Variants in ACACA observed in about 807,000 individuals in gnomAD.
ACACA encodes the protein acetyl-CoA carboxylase alpha.
ACACA carries 103 observed loss-of-function variants against 296.1 expected under a neutral mutation model. That is an observed-to-expected ratio of 0.35 (90% CI 0.30 to 0.41). The LOEUF is 0.41. Ranked by LOEUF, ACACA falls within the 10% of genes least tolerant of loss-of-function variation. ACACA has a pLI of 1.00. For synonymous variants in ACACA, 953 were observed against 1,038.6 expected (o/e 0.92, Z 1.58); for missense variants, 1,554 against 2,989.7 (o/e 0.52, Z 11.20).
intron 41 of ACACA, among the ~76,000 whole-genome samples, chr17:37,178,928 C>T (rs1258134038): frequency 6.6e-6 from 1 of 152,214 alleles, no homozygotes; most frequent in Non-Finnish European, 1.5e-5. Flanking sequence ...CCTGTTTCAT[C>T]TACACACCCA....
intron 1 of ACACA, among the ~76,000 whole-genome samples, chr17:37,404,422 G>A (rs764757164): frequency 1.3e-5 from 2 of 152,006 alleles, no homozygotes; most frequent in South Asian, 2.1e-4. Context: ...GTCTCGATAC[G>A]TTGCCTAGAC....
At chr17:37,294,424 G>T (rs545260581) in intron 3 of ACACA, among the ~76,000 whole-genome samples, 10 of 152,174 alleles carry the variant, frequency 6.6e-5, no homozygotes, top group African/African-American at 2.4e-4. Context: ...GACACAACAT[G>T]TAACAATAAG....
At chr17:37,155,132 T>C (rs2076188369) in intron 43 of ACACA, among the ~76,000 whole-genome samples, 1 of 152,168 alleles carries the variant, frequency 6.6e-6, no homozygotes, top group South Asian at 2.1e-4. Context: ...ATGAAACTTA[T>C]ATAAATGTCC....
At chr17:37,090,399 G>A (rs542837453) in intron 54 of ACACA, among the ~76,000 whole-genome samples, 1 of 152,232 alleles carries the variant, frequency 6.6e-6, no homozygotes, top group Non-Finnish European at 1.5e-5. Flanking sequence ...GAAGGCTTCC[G>A]GGGACTAAGG....
In ACACA at chr17:37,097,263, C is replaced by A. The variant is rs1172791724; in HGVS notation, c.6721-97G>T. ...CAGGCATAAAAACTGATTCTCCAGG[C>A]AAGCCCTTCACAGACCCAAGAGCTG... is the stretch of plus-strand genomic sequence containing the variant. On this transcript the variant is annotated intron_variant, in intron 53 of 55. Coordinates refer to ENST00000616317, the MANE Select transcript of ACACA (RefSeq NM_198834.3). The surrounding 1 kb of genome is among the most constrained non-coding windows in gnomAD (Gnocchi z 4.8). 4.9e-6 allele frequency: 7 copies of A among 1,427,306 alleles called. No homozygotes were observed. The East Asian group carries it at 7.3e-5, about 15-fold the overall frequency. 88.4% of individuals were successfully genotyped at this position (1,427,306 alleles called of 1,614,324 possible).
At position 37,195,705 on chromosome 17, in the gene ACACA, C is replaced by CA. The variant is rs1178794534; in HGVS notation, c.4159-2291dup. 2.0e-5 allele frequency among the ~76,000 whole-genome samples: 3 copies of CA among 152,210 alleles called. No homozygotes were observed. In the East Asian group the frequency reaches 5.8e-4, roughly 29 times the overall value. The stretch of plus-strand genomic sequence containing the variant: ...ACAAAAAGTAATCTCTTTTGGCACT[C>CA]AAAAACCACAGAATCACAGAAAACA... On this transcript the variant is annotated intron_variant, in intron 35 of 55. Transcript: ENST00000616317.
chr17:37,244,788 A>T lies in ACACA; in HGVS notation c.2596-54T>A, dbSNP rs1336592586. The stretch of plus-strand genomic sequence containing the variant: ...TCTACTACTTTTGATCTAAGGTACA[A>T]ACACACCACTGCACTTAAGAGTTAT... On this transcript the variant is annotated intron_variant, in intron 20 of 55. Transcript: ENST00000616317. The T allele has an allele frequency of 6.2e-6, 10 of 1,606,320 alleles. No individual in the cohort carries two copies. In the East Asian group the frequency reaches 2.2e-4, roughly 36 times the overall value.
intron 5 of ACACA, among the ~76,000 whole-genome samples, chr17:37,278,219 T>C (rs2082358102): frequency 6.6e-6 from 1 of 152,240 alleles, no homozygotes; most frequent in South Asian, 2.1e-4. Context: ...GAAGCTCTTA[T>C]AGTAAAATAG....
chr17:37,118,288 AG>A (rs918711037), intron 50 of ACACA, among the ~76,000 whole-genome samples: 1 of 152,218 alleles, frequency 6.6e-6, no homozygotes, highest in Non-Finnish European at 1.5e-5. Context: ...TTATTGTTTA[AG>A]GGGTATAGAG....
intron 3 of ACACA, among the ~76,000 whole-genome samples, chr17:37,296,374 C>T (rs996192366): frequency 7.2e-6 from 1 of 139,098 alleles, no homozygotes; most frequent in African/African-American, 2.7e-5. Flanking sequence ...GGTGAGATCT[C>T]GGCTCACTGC....
At chr17:37,403,138 C>T (rs751907271) in intron 1 of ACACA, among the ~76,000 whole-genome samples, 1 of 152,202 alleles carries the variant, frequency 6.6e-6, no homozygotes, top group Non-Finnish European at 1.5e-5. Flanking sequence ...AGTTTTAGTT[C>T]TGACACCTCC....
intron 33 of ACACA, among the ~76,000 whole-genome samples, chr17:37,202,659 C>A (rs1472949595): frequency 9.8e-6 from 1 of 101,590 alleles, no homozygotes; most frequent in Admixed American, 1.0e-4. Context: ...CTTTTCTTTC[C>A]TTTTCTTTCA....
In ACACA at chr17:37,277,063, G is replaced by A; in HGVS notation, c.772C>T (p.Leu258Phe). ...HASENPKLPE[L>F]LLKNGIAFMG... The stretch of plus-strand genomic sequence containing the variant: ...AAGGCAATGCCATTTTTCAAGAGAA[G>A]TTCCGGTAGTTTGGGATTCTCAGAA... The change falls in exon 7 of 56, where the codon CTT becomes TTT. Residue 258 changes from leucine to phenylalanine, a missense_variant. By Grantham distance (22) the Leu-to-Phe change is conservative. This residue lies in a region of ACACA where 29 missense variants were observed against 90.3 expected (regional missense o/e 0.32). Coordinates refer to ENST00000616317, the MANE Select transcript of ACACA (RefSeq NM_198834.3). 6.2e-7 allele frequency: 1 copy of A among 1,614,096 alleles called. No individual in the cohort carries two copies. The highest frequency in any genetic ancestry group is 8.5e-7 in the Non-Finnish European group (1 of 1,179,974).
chr17:37,346,813 T>C (rs1192264815), intron 1 of ACACA, among the ~76,000 whole-genome samples: 1 of 152,202 alleles, frequency 6.6e-6, no homozygotes, highest in African/African-American at 2.4e-5. Context: ...TGGCTACATT[T>C]ACCCAATGCC....
intron 29 of ACACA, among the ~76,000 whole-genome samples, chr17:37,212,284 G>T (rs1180971153): frequency 1.2e-4 from 18 of 152,252 alleles, no homozygotes; most frequent in African/African-American, 3.9e-4. Context: ...CAGGATGACG[G>T]CCATGTTTTC....
chr17:37,303,709 T>C (rs1166990580), intron 3 of ACACA, among the ~76,000 whole-genome samples: 1 of 152,074 alleles, frequency 6.6e-6, no homozygotes, highest in African/African-American at 2.4e-5. Context: ...AATACAAAAA[T>C]TACCTGGGCA....
intron 1 of ACACA, among the ~76,000 whole-genome samples, chr17:37,374,283 T>TC: frequency 6.6e-6 from 1 of 150,862 alleles, no homozygotes. Flanking sequence ...CTCTTTTTTT[T>TC]CTTTTCTTTT....
intron 45 of ACACA, among the ~76,000 whole-genome samples, chr17:37,132,375 G>A (rs944139627): frequency 2.0e-5 from 3 of 152,156 alleles, no homozygotes; most frequent in Admixed American, 6.5e-5. Flanking sequence ...CGGGAGCCTG[G>A]TAGAGGCAGA....
rs1295284226 is a variant in ACACA at position 37,085,202 on chromosome 17, T to A, written c.*2114A>T. On this transcript the variant is annotated 3_prime_UTR_variant, in exon 56 of 56. Transcript: ENST00000616317. ...CTCCTGCCTTAGTAGCCTTGCATGTTTGAGGGGCTGTGGGAATGTCAGATT... is the reference window on the plus strand; with the variant it reads ...CTCCTGCCTTAGTAGCCTTGCATGTATGAGGGGCTGTGGGAATGTCAGATT... 1 of 162,562 alleles carries A rather than the reference T, an allele frequency of 6.2e-6. No homozygotes were observed. 10.1% of individuals were successfully genotyped at this position (162,562 alleles called of 1,614,324 possible).
Sources: gnomAD v4.1 joint callset for allele counts (sites outside exome capture counted in the v4.1 genomes callset) on GRCh38, gnomAD v4.1.1 for gene constraint, gnomAD v4.1.1 regional missense constraint, Gnocchi (gnomAD v3.1) non-coding constraint, MANE v1.5 for transcripts, NCBI Gene and HGNC (gene_info 2026-07-23, HGNC 2026-07-21) for gene names.